Variants in MS4A5 observed in about 807,000 individuals in gnomAD.
MS4A5 encodes the protein membrane-spanning 4-domains subfamily A member 5.
In MS4A5, 15 loss-of-function variants were observed where a neutral mutation model predicts 18.2. The ratio of observed to expected loss-of-function variants is 0.83; its 90% CI spans 0.55 to 1.27. The LOEUF (loss-of-function observed/expected upper bound fraction) is 1.27. Among genes scored for constraint, MS4A5 ranks in the 50% most tolerant of loss-of-function variants. The pLI, the probability that MS4A5 is intolerant of heterozygous loss-of-function variation, is 0.00. For synonymous variants in MS4A5, 89 were observed against 78.7 expected (o/e 1.13, Z -0.69); for missense variants, 232 against 225.7 (o/e 1.03, Z -0.18).
At chr11:60,435,703 C>G (rs1328141314) in intron 4 of MS4A5, among the ~76,000 whole-genome samples, 1 of 152,172 alleles carries the variant, frequency 6.6e-6, no homozygotes, top group Non-Finnish European at 1.5e-5. Flanking sequence ...CACTCCCACC[C>G]GAATACTGCG....
In MS4A5 at chr11:60,430,875, G is replaced by T. The variant is rs761929014; in HGVS notation, c.233G>T (p.Arg78Met). 16 of 1,613,290 alleles carry T rather than the reference G, an allele frequency of 9.9e-6. No individual in the cohort carries two copies. Among genetic ancestry groups the T allele is most frequent in the African/African-American group, 1.3e-5 (1 of 74,988 alleles). Residue 78 changes from arginine to methionine, a missense_variant, in exon 2 of 5, where the codon AGG becomes ATG. By Grantham distance (91) the Arg-to-Met change is moderately conservative (BLOSUM62 -1). Transcript: ENST00000300190. ...TTCACCTTGTTAAAACCATATCCAA[G>T]GTTTCCCTTTATATTTCTTTCAGGA... is the stretch of plus-strand genomic sequence containing the variant. ...FLFTLLKPYP[R>M]FPFIFLSGYP...
intron 2 of MS4A5, 142 bp downstream of exon 2, chr11:60,431,066 A>G (rs1436903560): frequency 1.2e-6 from 1 of 844,488 alleles, no homozygotes; most frequent in Non-Finnish European, 1.8e-6. Flanking sequence ...TTATTTCCCC[A>G]TTAGTTCATC....
rs1356054189 is a variant in MS4A5 at position 60,431,453 on chromosome 11, G to A, written c.282+529G>A. ...GTCACAATCAATAAACATTAACTTA[G>A]GACCTAATTTAGTGCCAGAGAATGG... On this transcript the variant is annotated intron_variant, in intron 2 of 4. Transcript: ENST00000300190. Among the ~76,000 whole-genome samples, 3 of 152,142 alleles carry A rather than the reference G, an allele frequency of 2.0e-5. No individual in the cohort carries two copies. In the East Asian group the frequency reaches 5.8e-4, roughly 29 times the overall value.
At chr11:60,437,226 A>G (rs1428716783) in intron 4 of MS4A5, among the ~76,000 whole-genome samples, 2 of 149,624 alleles carry the variant, frequency 1.3e-5, no homozygotes, top group Non-Finnish European at 3.0e-5. Context: ...AAATGCTGAG[A>G]GATTTTGTCA....
chr11:60,447,189 C>G (rs1346684791), intron 4 of MS4A5, among the ~76,000 whole-genome samples: 10 of 146,614 alleles, frequency 6.8e-5, no homozygotes, highest in Admixed American at 1.4e-4. Context: ...GCTATGCTAT[C>G]CTATGCTATG....
At chr11:60,447,466 T>C (rs2086147468) in intron 4 of MS4A5, among the ~76,000 whole-genome samples, 183 bp from the exon 5 acceptor site, 1 of 152,282 alleles carries the variant, frequency 6.6e-6, no homozygotes, top group African/African-American at 2.4e-5. Context: ...TATGCTATCC[T>C]ATGCTTAAAT....
intron 4 of MS4A5, among the ~76,000 whole-genome samples, chr11:60,442,619 C>T (rs561121642): frequency 4.6e-5 from 7 of 152,104 alleles, no homozygotes; most frequent in South Asian, 2.1e-4. Context: ...GTAACCTGCA[C>T]GTCCTGCACA....
At position 60,429,700 on chromosome 11, in the gene MS4A5, C is replaced by T. The variant is rs34799130; in HGVS notation, c.26C>T (p.Pro9Leu). The change falls in exon 1 of 5, where the codon CCG becomes CTG. Residue 9 changes from proline to leucine, a missense_variant. Transcript: ENST00000300190. MDSSTAHS[P>L]VFLVFPPEIT... The stretch of plus-strand genomic sequence containing the variant: ...ATGGATTCAAGCACCGCACACAGTC[C>T]GGTGTTTCTGGTATTTCCTCCAGAA... The T allele has an allele frequency of 2.7e-3, 4,334 of 1,613,542 alleles. 62 individuals carry two copies. The highest frequency in any genetic ancestry group is 0.024 in the African/African-American group (1,809 of 74,992).
chr11:60,433,293 C>A (rs754990620), intron 3 of MS4A5, among the ~76,000 whole-genome samples: 1 of 152,122 alleles, frequency 6.6e-6, no homozygotes, highest in Non-Finnish European at 1.5e-5. Context: ...AATATTTTTA[C>A]TTTACTCAAA....
At chr11:60,436,170 C>T (rs1202806261) in intron 4 of MS4A5, among the ~76,000 whole-genome samples, 1 of 151,792 alleles carries the variant, frequency 6.6e-6, no homozygotes, top group Non-Finnish European at 1.5e-5. Flanking sequence ...GGCACACTGA[C>T]ACCTCACACG....
At chr11:60,436,667 T>G (rs1285736549) in intron 4 of MS4A5, among the ~76,000 whole-genome samples, 1 of 133,634 alleles carries the variant, frequency 7.5e-6, no homozygotes, top group African/African-American at 2.6e-5. Context: ...GAAGAAAGGG[T>G]ATCAGCGATG....
chr11:60,430,726 A>G, intron 1 of MS4A5, 70 bp from the exon 2 acceptor site: 1 of 1,560,898 alleles, frequency 6.4e-7, no homozygotes, highest in Non-Finnish European at 8.7e-7. Flanking sequence ...TGACCAAAAG[A>G]AGATATTCTA....
chr11:60,431,477 G>A (rs895507885), intron 2 of MS4A5, among the ~76,000 whole-genome samples: 11 of 152,162 alleles, frequency 7.2e-5, no homozygotes, highest in African/African-American at 2.4e-4. Flanking sequence ...GCCAGAGAAT[G>A]GGCAGAGCAA....
At chr11:60,443,914 G>A (rs2086126587) in intron 4 of MS4A5, among the ~76,000 whole-genome samples, 2 of 152,104 alleles carry the variant, frequency 1.3e-5, no homozygotes, top group South Asian at 4.1e-4. Context: ...CACCCGCCAT[G>A]ACTAACACAG....
chr11:60,430,883 T>C lies in MS4A5; in HGVS notation c.241T>C (p.Phe81Leu). ...GTTAAAACCATATCCAAGGTTTCCC[T>C]TTATATTTCTTTCAGGATATCCATT... ...TLLKPYPRFP[F>L]IFLSGYPFWG... The change falls in exon 2 of 5, where the codon TTT (phenylalanine) becomes CTT (leucine). Residue 81 changes from phenylalanine to leucine, a missense_variant. Phe to Leu is a conservative substitution (Grantham distance 22). Transcript: ENST00000300190. 6.2e-7 allele frequency: 1 copy of C among 1,613,246 alleles called. No individual in the cohort carries two copies. The highest frequency in any genetic ancestry group is 1.1e-5 in the South Asian group (1 of 91,004).
At chr11:60,435,688 C>T (rs1440868611) in intron 4 of MS4A5, among the ~76,000 whole-genome samples, 1 of 152,188 alleles carries the variant, frequency 6.6e-6, no homozygotes, top group Non-Finnish European at 1.5e-5. Flanking sequence ...CCTAGAAAAT[C>T]GGGTCACTCC....
intron 4 of MS4A5, among the ~76,000 whole-genome samples, chr11:60,444,764 G>A (rs1464839961): frequency 1.3e-5 from 2 of 152,118 alleles, no homozygotes; most frequent in Non-Finnish European, 2.9e-5. Context: ...ACCAATACCG[G>A]GTGTTGGAAG....
At chr11:60,442,158 C>T (rs2086116525) in intron 4 of MS4A5, among the ~76,000 whole-genome samples, 1 of 152,098 alleles carries the variant, frequency 6.6e-6, no homozygotes, top group African/African-American at 2.4e-5. Context: ...CAAATAACTA[C>T]AATTATAATA....
At chr11:60,446,608 C>T (rs914260047) in intron 4 of MS4A5, among the ~76,000 whole-genome samples, 4 of 152,060 alleles carry the variant, frequency 2.6e-5, no homozygotes, top group South Asian at 2.1e-4. Context: ...TGGTGGGCAC[C>T]TGTAATCCCA....
Sources: gnomAD v4.1 joint callset for allele counts (sites outside exome capture counted in the v4.1 genomes callset) on GRCh38, gnomAD v4.1.1 for gene constraint, MANE v1.5 for transcripts, NCBI Gene and HGNC (gene_info 2026-07-23, HGNC 2026-07-21) for gene names.